The following CABCOCO1 variants were observed in gnomAD, a reference collection of about 807,000 sequenced individuals.
The protein encoded by CABCOCO1 is ciliary-associated calcium-binding coiled-coil protein 1.
A neutral mutation model predicts 35.7 loss-of-function variants in CABCOCO1; 28 were observed. The observed-to-expected ratio is 0.78, with a 90% CI of 0.58 to 1.07. CABCOCO1 has a LOEUF of 1.07. Among genes scored for constraint, CABCOCO1 ranks in the 50% least tolerant of loss-of-function variants. The pLI, the probability that CABCOCO1 is intolerant of heterozygous loss-of-function variation, is 0.00. For synonymous variants in CABCOCO1, 95 were observed against 100.1 expected (o/e 0.95, Z 0.30); for missense variants, 326 against 309.2 (o/e 1.05, Z -0.41).
chr10:61,728,454 A>T (rs1167164481), intron 5 of CABCOCO1, among the ~76,000 whole-genome samples: 3 of 152,184 alleles, frequency 2.0e-5, no homozygotes, highest in Non-Finnish European at 1.5e-5. Flanking sequence ...GGGCAAAAAC[A>T]TATCAGTCCT....
chr10:61,724,236 T>C (rs1349264433), intron 5 of CABCOCO1, among the ~76,000 whole-genome samples: 1 of 152,218 alleles, frequency 6.6e-6, no homozygotes, highest in South Asian at 2.1e-4. Context: ...CCTTTCTTAA[T>C]GTTTAAATCC....
intron 7 of CABCOCO1, among the ~76,000 whole-genome samples, chr10:61,763,370 T>G (rs1842046753): frequency 6.6e-6 from 1 of 152,082 alleles, no homozygotes; most frequent in Non-Finnish European, 1.5e-5. Context: ...GTTTTAGAGA[T>G]TTATTAAGAA....
intron 1 of CABCOCO1, among the ~76,000 whole-genome samples, chr10:61,668,714 C>CT (rs1249230522): frequency 6.6e-6 from 1 of 151,878 alleles, no homozygotes; most frequent in Admixed American, 6.6e-5. Context: ...TTTTCTTTCA[C>CT]TTTTTTTATT....
intron 5 of CABCOCO1, among the ~76,000 whole-genome samples, chr10:61,742,298 T>C (rs1175872900): frequency 1.3e-5 from 2 of 152,286 alleles, no homozygotes; most frequent in South Asian, 2.1e-4. Flanking sequence ...TACTTTATAG[T>C]GCCACCCACA....
chr10:61,731,805 G>C (rs1168961980), intron 5 of CABCOCO1, among the ~76,000 whole-genome samples: 1 of 150,104 alleles, frequency 6.7e-6, no homozygotes, highest in East Asian at 2.0e-4. Context: ...GGGGGGGAAA[G>C]TTTCTTTTTT....
intron 5 of CABCOCO1, among the ~76,000 whole-genome samples, chr10:61,727,302 T>C (rs1446996203): frequency 1.3e-5 from 2 of 152,170 alleles, no homozygotes; most frequent in African/African-American, 2.4e-5. Flanking sequence ...TTTTCAATTA[T>C]CTTAAAATTT....
chr10:61,682,258 T>C (rs534136883), intron 3 of CABCOCO1, among the ~76,000 whole-genome samples: 1 of 152,284 alleles, frequency 6.6e-6, no homozygotes, highest in Non-Finnish European at 1.5e-5. Flanking sequence ...GCAGGATCCA[T>C]CCAACTCCTC....
At chr10:61,718,444 T>A (rs912558942) in intron 5 of CABCOCO1, among the ~76,000 whole-genome samples, 13 of 152,206 alleles carry the variant, frequency 8.5e-5, no homozygotes, top group African/African-American at 3.1e-4. Context: ...ATGAATTGTT[T>A]GTAAAAAGCA....
At chr10:61,689,113 T>C (rs577734162) in intron 4 of CABCOCO1, among the ~76,000 whole-genome samples, 106 of 152,346 alleles carry the variant, frequency 7.0e-4, no homozygotes, top group South Asian at 1.7e-3. Context: ...GTTCTTTGTG[T>C]GATGCAAGAT....
chr10:61,670,553 A>T lies in CABCOCO1; in HGVS notation c.61-2079A>T, dbSNP rs1188920143. On this transcript the variant is annotated intron_variant, in intron 1 of 7. Transcript: ENST00000648843. ...CCAATTACCATTACCAATAAGTGGT[A>T]GGTTTGAGATTTTTCCACTTTTGAA... Among the ~76,000 whole-genome samples, 3 of 152,212 alleles carry T rather than the reference A, an allele frequency of 2.0e-5. No individual in the cohort carries two copies. The East Asian group carries it at 5.8e-4, about 29-fold the overall frequency.
At chr10:61,676,788 G>A (rs1456256330) in intron 2 of CABCOCO1, among the ~76,000 whole-genome samples, 1 of 152,098 alleles carries the variant, frequency 6.6e-6, no homozygotes, top group Non-Finnish European at 1.5e-5. Flanking sequence ...TCAGCCGGGC[G>A]TGGTGGCTCA....
chr10:61,753,535 C>A (rs1311671231), intron 5 of CABCOCO1, among the ~76,000 whole-genome samples: 1 of 152,046 alleles, frequency 6.6e-6, no homozygotes, highest in Non-Finnish European at 1.5e-5. Context: ...GCCCTGTAAG[C>A]CCTGACTCTT....
chr10:61,667,011 A>T (rs1839201256), intron 1 of CABCOCO1, among the ~76,000 whole-genome samples: 1 of 124,444 alleles, frequency 8.0e-6, no homozygotes, highest in African/African-American at 3.1e-5. Flanking sequence ...TAAATTTCAT[A>T]TAGTATATAT....
Position 61,662,949 on chromosome 10 carries a change from C to T in CABCOCO1, c.-24C>T. Reference sequence around the variant, plus strand: ...CAGTTGCCTAGGTGACGAGGGGCCGCTTCTCTCGGCCGAGATTGCGGCGAT... The same window carrying T: ...CAGTTGCCTAGGTGACGAGGGGCCGTTTCTCTCGGCCGAGATTGCGGCGAT... On this transcript the variant is annotated 5_prime_UTR_variant, in exon 1 of 8. Transcript: ENST00000648843. The T allele has an allele frequency of 2.5e-6, 1 of 392,426 alleles. No individual in the cohort carries two copies. Among genetic ancestry groups the T allele is most frequent in the South Asian group, 1.8e-5 (1 of 56,310 alleles). 24.3% of individuals were successfully genotyped at this position (392,426 alleles called of 1,614,324 possible).
At chr10:61,686,314 C>A (rs1430283242) in intron 4 of CABCOCO1, 129 bp downstream of exon 4, 5 of 672,440 alleles carry the variant, frequency 7.4e-6, no homozygotes, top group Admixed American at 4.0e-5. Context: ...TTAGCCCAAT[C>A]AATAATTAGG....
At chr10:61,724,423 C>A (rs185694292) in intron 5 of CABCOCO1, among the ~76,000 whole-genome samples, 1 of 152,140 alleles carries the variant, frequency 6.6e-6, no homozygotes, top group Admixed American at 6.5e-5. Context: ...TGGAAAAGAC[C>A]AACAGATCAT....
chr10:61,738,747 AC>A (rs1462044567), intron 5 of CABCOCO1, among the ~76,000 whole-genome samples: 2 of 152,236 alleles, frequency 1.3e-5, no homozygotes. Flanking sequence ...CAAATTATGC[AC>A]AGTAAAAACT....
intron 5 of CABCOCO1, among the ~76,000 whole-genome samples, chr10:61,754,831 G>A (rs1227822466): frequency 1.3e-5 from 2 of 151,554 alleles, no homozygotes; most frequent in Non-Finnish European, 2.9e-5. Context: ...TGGTCTCGAA[G>A]CTCTATTAAG....
intron 7 of CABCOCO1, among the ~76,000 whole-genome samples, chr10:61,763,624 G>A (rs1842052278): frequency 6.6e-6 from 1 of 151,978 alleles, no homozygotes; most frequent in Non-Finnish European, 1.5e-5. Context: ...TGTTGGCCCT[G>A]TGGAAGCAAT....
Sources: gnomAD v4.1 joint callset for allele counts (sites outside exome capture counted in the v4.1 genomes callset) on GRCh38, gnomAD v4.1.1 for gene constraint, MANE v1.5 for transcripts, NCBI Gene and HGNC (gene_info 2026-07-23, HGNC 2026-07-21) for gene names.